The following RALGAPA2 variants were observed in gnomAD, a reference collection of about 807,000 sequenced individuals.
RALGAPA2 encodes the protein Ral GTPase activating protein catalytic subunit alpha 2.
A neutral mutation model predicts 230.4 loss-of-function variants in RALGAPA2; 139 were observed. That is an observed-to-expected ratio of 0.60 (90% confidence interval 0.53 to 0.69). The LOEUF (loss-of-function observed/expected upper bound fraction) is 0.69. Ranked by LOEUF, RALGAPA2 falls within the 30% of genes least tolerant of loss-of-function variation. The probability of loss-of-function intolerance (pLI) is 0.00; values close to 1 mark genes in which losing one functional copy is unlikely to be tolerated. For synonymous variants in RALGAPA2, 847 were observed against 837.8 expected (o/e 1.01, Z -0.19); for missense variants, 2,163 against 2,276.0 (o/e 0.95, Z 1.01).
chr20:20,624,655 T>C (rs1023137186), intron 10 of RALGAPA2, among the ~76,000 whole-genome samples: 1 of 152,186 alleles, frequency 6.6e-6, no homozygotes, highest in Admixed American at 6.5e-5. Context: ...TCATATTTCA[T>C]AGCAGGAAAC....
chr20:20,472,722 C>A (rs1294112215), intron 37 of RALGAPA2, 107 bp downstream of exon 37: 8 of 1,245,830 alleles, frequency 6.4e-6, no homozygotes, highest in East Asian at 2.7e-5. Context: ...GAAAAAAATT[C>A]TCTTCCCTCT....
intron 37 of RALGAPA2, among the ~76,000 whole-genome samples, chr20:20,420,128 T>A (rs1308271177): frequency 6.6e-6 from 1 of 152,022 alleles, no homozygotes; most frequent in Non-Finnish European, 1.5e-5. Flanking sequence ...GCACAGAGAA[T>A]GCCATGAGCG....
chr20:20,495,723 T>G (rs961600688), intron 35 of RALGAPA2, among the ~76,000 whole-genome samples: 16 of 152,212 alleles, frequency 1.1e-4, no homozygotes, highest in African/African-American at 3.9e-4. Context: ...CATAAGCCAC[T>G]ACAACACAAT....
rs554342533 is a variant in RALGAPA2, at chr20:20,440,268, C to A, written c.5496-28120G>T. 9.2e-5 allele frequency among the ~76,000 whole-genome samples: 14 copies of A among 152,208 alleles called. No homozygotes were observed. In the South Asian group the frequency reaches 2.7e-3, roughly 29 times the overall value. On this transcript the variant is annotated intron_variant, in intron 37 of 39. Transcript: ENST00000202677. ...AGGGTATTTGGGTTACTATGGAATT[C>A]GGGCCAAAATAAAGTTTTTTGTATG...
Position 20,392,125 on chromosome 20 carries a change from C to G in RALGAPA2, c.*1164G>C, listed in dbSNP as rs1453268847. 1 of 152,204 alleles carries G rather than the reference C, an allele frequency of 6.6e-6. No homozygotes were observed. The highest frequency in any genetic ancestry group is 1.5e-5 in the Non-Finnish European group (1 of 68,038). The allele number at this position is 152,204 out of a possible 1,614,324, so 9.4% of individuals were successfully genotyped here. On this transcript the variant is annotated 3_prime_UTR_variant, in exon 40 of 40. Coordinates refer to ENST00000202677, the MANE Select transcript of RALGAPA2 (RefSeq NM_020343.4). ...GACGGGCAAGGCCCACCCAGGGCGC[C>G]CCAGCAGGAGAGGGCTCACCATTGC...
intron 26 of RALGAPA2, among the ~76,000 whole-genome samples, chr20:20,535,064 T>G (rs1215818824): frequency 6.6e-6 from 1 of 152,092 alleles, no homozygotes; most frequent in Non-Finnish European, 1.5e-5. Flanking sequence ...GGTAAGGCAG[T>G]GATGAATGAT....
At chr20:20,393,613 C>T (rs549804575) in intron 39 of RALGAPA2, among the ~76,000 whole-genome samples, 27 of 152,228 alleles carry the variant, frequency 1.8e-4, no homozygotes, top group African/African-American at 5.5e-4. Flanking sequence ...TGGAAAAGCC[C>T]GTGAAACTTC....
intron 23 of RALGAPA2, among the ~76,000 whole-genome samples, chr20:20,568,116 T>C (rs1354602198): frequency 6.6e-6 from 1 of 152,052 alleles, no homozygotes. Flanking sequence ...GCAGGCCGGG[T>C]AGCCCTGAAA....
intron 24 of RALGAPA2, among the ~76,000 whole-genome samples, chr20:20,539,114 A>G (rs575905646): frequency 1.3e-5 from 2 of 152,290 alleles, no homozygotes; most frequent in African/African-American, 2.4e-5. Context: ...GATTGGCTCT[A>G]GGCTTTGGCT....
rs2064697823 is a variant in RALGAPA2 at position 20,572,998 on chromosome 20, G to C, written c.2778C>G (p.Asp926Glu). 6.2e-7 allele frequency: 1 copy of C among 1,610,492 alleles called. No individual in the cohort carries two copies. ...AGGSLTGWHP[D>E]SAAVLWRRVL... The stretch of plus-strand genomic sequence containing the variant: ...CCCTTCGCCATAACACAGCAGCAGA[G>C]TCTGGGTGCCAACCAGTGAGGCTCC... Residue 926 changes from aspartate to glutamate, a missense_variant, in exon 21 of 40, where the codon GAC becomes GAG. Physicochemically the swap from Asp to Glu is conservative, Grantham distance 45. Transcript: ENST00000202677.
Position 20,495,258 on chromosome 20 carries a change from A to T in RALGAPA2, c.5226T>A (p.Asn1742Lys). 6.5e-7 allele frequency: 1 copy of T among 1,528,760 alleles called. No homozygotes were observed. Among genetic ancestry groups the T allele is most frequent in the South Asian group, 1.3e-5 (1 of 78,896 alleles). The allele number at this position is 1,528,760 out of a possible 1,614,324, so 94.7% of individuals were successfully genotyped here. Residue 1742 changes from asparagine to lysine, a missense_variant, in exon 36 of 40, where the codon AAT becomes AAA. Physicochemically the swap from Asn to Lys is moderately conservative, Grantham distance 94. Coordinates refer to ENST00000202677, the MANE Select transcript of RALGAPA2 (RefSeq NM_020343.4). ...SLTKKLRHLG[N>K]DEVHIVWSEH... is the part of the protein sequence containing the mutation. ...CAGACCAGACGATATGGACCTCGTC[A>T]TTCCCCAAGTGACGAAGCTGCAACA...
At chr20:20,574,640 G>C (rs2064762128) in intron 20 of RALGAPA2, among the ~76,000 whole-genome samples, 1 of 152,144 alleles carries the variant, frequency 6.6e-6, no homozygotes, top group African/African-American at 2.4e-5. Context: ...TTATTTCATA[G>C]TATGTATGTA....
chr20:20,641,617 C>T (rs1807500499), intron 5 of RALGAPA2, among the ~76,000 whole-genome samples: 1 of 151,732 alleles, frequency 6.6e-6, no homozygotes. Flanking sequence ...TTCAAAAGCA[C>T]ATGTCCCTCC....
At chr20:20,470,093 A>C (rs934918787) in intron 37 of RALGAPA2, among the ~76,000 whole-genome samples, 2 of 152,088 alleles carry the variant, frequency 1.3e-5, no homozygotes, top group African/African-American at 4.8e-5. Context: ...TCAGTCTTCT[A>C]TGTGCCTTTG....
chr20:20,453,492 A>C (rs1355197698), intron 37 of RALGAPA2, among the ~76,000 whole-genome samples: 1 of 152,232 alleles, frequency 6.6e-6, no homozygotes, highest in Non-Finnish European at 1.5e-5. Context: ...TGAAGCTCCA[A>C]GATCACCAAG....
intron 14 of RALGAPA2, among the ~76,000 whole-genome samples, chr20:20,608,032 G>C (rs2065873082): frequency 6.6e-6 from 1 of 152,116 alleles, no homozygotes; most frequent in Admixed American, 6.6e-5. Flanking sequence ...GACTACCCTG[G>C]TTTGTGACCT....
At chr20:20,431,144 G>A (rs535769404) in intron 37 of RALGAPA2, among the ~76,000 whole-genome samples, 1 of 152,312 alleles carries the variant, frequency 6.6e-6, no homozygotes, top group African/African-American at 2.4e-5. Flanking sequence ...GAACAGGAGT[G>A]ATGGGGGAGG....
At chr20:20,567,306 C>G (rs1207021981) in intron 23 of RALGAPA2, among the ~76,000 whole-genome samples, 1 of 152,166 alleles carries the variant, frequency 6.6e-6, no homozygotes. Context: ...TAGGTTCTTT[C>G]ATGTCAAACT....
At position 20,636,552 on chromosome 20, in the gene RALGAPA2, G is replaced by GTGTA. The variant is rs538531676; in HGVS notation, c.805+810_805+811insTACA. Among the ~76,000 whole-genome samples the GTGTA allele has an allele frequency of 4.1e-3, 617 of 151,530 alleles. 2 individuals are homozygous for GTGTA. Among genetic ancestry groups the GTGTA allele is most frequent in the African/African-American group, 0.014 (583 of 41,268 alleles). The stretch of plus-strand genomic sequence containing the variant: ...GGCTTCTCTCCCCGTGTGTGTGTGT[G>GTGTA]TGTGTATGTGTGTGTGTGTGTGTGT... On this transcript the variant is annotated intron_variant, in intron 8 of 39. Transcript: ENST00000202677.
Sources: allele counts gnomAD v4.1 joint callset (sites outside exome capture counted in the v4.1 genomes callset), GRCh38; gene constraint gnomAD v4.1.1; transcripts MANE v1.5; gene names NCBI Gene and HGNC (gene_info 2026-07-23, HGNC 2026-07-21).